Variants in CNOT6 observed in about 807,000 individuals in gnomAD.
CNOT6 encodes the protein carbon catabolite repression 4 protein.
CNOT6 carries 12 observed loss-of-function variants against 61.2 expected under a neutral mutation model. That is an observed-to-expected ratio of 0.20 (90% CI 0.13 to 0.32). The LOEUF (loss-of-function observed/expected upper bound fraction) is 0.32. CNOT6 is among the 10% of genes least tolerant of loss of function. The pLI is 1.00. For missense variants in CNOT6, 405 were observed against 663.9 expected, an observed-to-expected ratio of 0.61 and a Z score of 4.28; for synonymous variants, 225 against 240.6, an observed-to-expected ratio of 0.94 and a Z score of 0.60.
chr5:180,525,546 A>C (rs928173888), intron 1 of CNOT6, among the ~76,000 whole-genome samples: 16 of 152,086 alleles, frequency 1.1e-4, no homozygotes, highest in Admixed American at 3.9e-4. Flanking sequence ...CTCAAAAAAA[A>C]AAAAAAAAAG....
chr5:180,546,658 T>C (rs1759330426), intron 2 of CNOT6, among the ~76,000 whole-genome samples: 1 of 152,360 alleles, frequency 6.6e-6, no homozygotes, highest in Middle Eastern at 3.4e-3. Flanking sequence ...GAAAATAATC[T>C]CATACATACC....
intron 2 of CNOT6, among the ~76,000 whole-genome samples, chr5:180,538,328 C>T (rs954251055): frequency 6.7e-6 from 1 of 149,920 alleles, no homozygotes; most frequent in Non-Finnish European, 1.5e-5. Flanking sequence ...CGTGAGCCAC[C>T]GCACCTGGCC....
chr5:180,557,361 A>AGCAGTGCACAG (rs146032215), intron 4 of CNOT6, among the ~76,000 whole-genome samples: 2 of 151,962 alleles, frequency 1.3e-5, no homozygotes, highest in African/African-American at 4.8e-5. Flanking sequence ...TACATTGTAA[A>AGCAGTGCACAG]GTGATTCACT....
At chr5:180,525,223 C>T (rs562352301) in intron 1 of CNOT6, among the ~76,000 whole-genome samples, 3 of 152,244 alleles carry the variant, frequency 2.0e-5, no homozygotes, top group South Asian at 2.1e-4. Flanking sequence ...TTTGATTAAA[C>T]AGTCAAAACC....
intron 11 of CNOT6, among the ~76,000 whole-genome samples, chr5:180,573,604 C>CGTGT (rs1561669597): frequency 0.038 from 541 of 14,410 alleles, 3 homozygotes; most frequent in South Asian, 0.074. Context: ...TGTGTGTGTC[C>CGTGT]GTCCGTCCGT....
intron 4 of CNOT6, among the ~76,000 whole-genome samples, chr5:180,562,027 G>T (rs2127758267): frequency 6.6e-6 from 1 of 152,310 alleles, no homozygotes; most frequent in South Asian, 2.1e-4. Flanking sequence ...CTTTTAGGCA[G>T]CCCTTCCCTG....
intron 1 of CNOT6, among the ~76,000 whole-genome samples, chr5:180,522,492 T>C (rs960641200): frequency 1.9e-4 from 29 of 152,176 alleles, no homozygotes; most frequent in Admixed American, 1.3e-4. Flanking sequence ...CCACCAGCAG[T>C]GTATAAGTGT....
intron 2 of CNOT6, among the ~76,000 whole-genome samples, chr5:180,546,077 T>C (rs1179641343): frequency 6.6e-6 from 1 of 152,184 alleles, no homozygotes; most frequent in Non-Finnish European, 1.5e-5. Context: ...GTATTTTTAG[T>C]AGAGATGGGG....
At position 180,577,163 on chromosome 5, in the gene CNOT6, A is replaced by ATATGTGTGTGTG. The variant is rs1554104989; in HGVS notation, c.*2964_*2965insATGTGTGTGTGT. On this transcript the variant is annotated 3_prime_UTR_variant, in exon 12 of 12. Coordinates refer to ENST00000261951, the MANE Select transcript of CNOT6 (RefSeq NM_001370472.1). ...AGATAGGCAGAGAACATCTCCAGAA[A>ATATGTGTGTGTG]TGTGTGTGTGTGTGTGTGTGTGTGT... is the stretch of plus-strand genomic sequence containing the variant. 6.9e-6 allele frequency: 1 copy of ATATGTGTGTGTG among 145,656 alleles called. No individual in the cohort carries two copies. Among genetic ancestry groups the ATATGTGTGTGTG allele is most frequent in the Admixed American group, 7.0e-5 (1 of 14,308 alleles). 9.0% of individuals were successfully genotyped at this position (145,656 alleles called of 1,614,324 possible).
At chr5:180,548,317 T>G (rs1212477054) in intron 2 of CNOT6, among the ~76,000 whole-genome samples, 2 of 152,214 alleles carry the variant, frequency 1.3e-5, no homozygotes, top group Non-Finnish European at 2.9e-5. Flanking sequence ...ACTTGGGGGT[T>G]GCTGCCTCCA....
intron 4 of CNOT6, among the ~76,000 whole-genome samples, chr5:180,556,332 A>T (rs1176579743): frequency 2.6e-5 from 4 of 152,192 alleles, no homozygotes; most frequent in Non-Finnish European, 4.4e-5. Context: ...CACAGGGGGA[A>T]TAGGTCTGGT....
intron 2 of CNOT6, among the ~76,000 whole-genome samples, chr5:180,542,551 C>G (rs1363955540): frequency 6.6e-6 from 1 of 152,252 alleles, no homozygotes; most frequent in Non-Finnish European, 1.5e-5. Flanking sequence ...AGGCGTGAGC[C>G]ACTGCACCCG....
chr5:180,564,403 G>T, intron 4 of CNOT6, 86 bp from the exon 5 acceptor site: 1 of 870,170 alleles, frequency 1.1e-6, no homozygotes, highest in Non-Finnish European at 1.9e-6. Context: ...CATAGTTATG[G>T]ATGATCTGAT....
chr5:180,515,675 C>T (rs1398630429), intron 1 of CNOT6, among the ~76,000 whole-genome samples: 1 of 151,962 alleles, frequency 6.6e-6, no homozygotes, highest in African/African-American at 2.4e-5. Flanking sequence ...GTGTCACTGC[C>T]TTTTCATATG....
At chr5:180,529,231 T>A in intron 1 of CNOT6, 44 bp from the exon 2 acceptor site, 1 of 1,105,724 alleles carries the variant, frequency 9.0e-7, no homozygotes, top group Non-Finnish European at 1.3e-6. Flanking sequence ...TGGCTTTTGT[T>A]TATTTGATTT....
At chr5:180,528,258 C>T (rs969299914) in intron 1 of CNOT6, among the ~76,000 whole-genome samples, 1 of 152,186 alleles carries the variant, frequency 6.6e-6, no homozygotes. Context: ...AACAGTCACT[C>T]ACCTAGTTTC....
At chr5:180,548,244 G>C (rs1343515166) in intron 2 of CNOT6, among the ~76,000 whole-genome samples, 1 of 152,170 alleles carries the variant, frequency 6.6e-6, no homozygotes, top group Non-Finnish European at 1.5e-5. Flanking sequence ...AACGAACGCT[G>C]TACCCATTTA....
chr5:180,570,755 G>A (rs1431912352), intron 10 of CNOT6, among the ~76,000 whole-genome samples: 3 of 152,194 alleles, frequency 2.0e-5, no homozygotes, highest in African/African-American at 7.2e-5. Context: ...GGATGTGGAC[G>A]TTTGGCCTGT....
chr5:180,568,239 T>TC (rs1428774021), intron 9 of CNOT6, among the ~76,000 whole-genome samples: 1 of 151,988 alleles, frequency 6.6e-6, no homozygotes, highest in Non-Finnish European at 1.5e-5. Context: ...CCTTTTTTTT[T>TC]TTTTTTGCTC....
Sources: allele counts gnomAD v4.1 joint callset (sites outside exome capture counted in the v4.1 genomes callset), GRCh38; gene constraint gnomAD v4.1.1; transcripts MANE v1.5; gene names NCBI Gene and HGNC (gene_info 2026-07-23, HGNC 2026-07-21).